The following ADAM10 variants were observed in gnomAD, a reference collection of about 807,000 sequenced individuals.
ADAM10 encodes ADAM metallopeptidase domain 10.
Under a neutral mutation model 90.1 loss-of-function variants are expected in ADAM10, and 17 were observed. The ratio of observed to expected loss-of-function variants is 0.19; its 90% CI spans 0.13 to 0.28. The LOEUF is 0.28. ADAM10 is among the 10% of genes least tolerant of loss of function. The pLI is 1.00. For missense variants in ADAM10, 610 were observed against 914.3 expected, an observed-to-expected ratio of 0.67 and a Z score of 4.29; for synonymous variants, 310 against 298.6, an observed-to-expected ratio of 1.04 and a Z score of -0.40.
chr15:58,722,458 C>T (rs1187933985), intron 1 of ADAM10, among the ~76,000 whole-genome samples: 1 of 151,616 alleles, frequency 6.6e-6, no homozygotes, highest in African/African-American at 2.4e-5. Flanking sequence ...ATCACTTAAT[C>T]CCAAGAGTTC....
At chr15:58,748,016 A>C (rs1482318153) in intron 1 of ADAM10, 1 of 152,158 alleles carries the variant, frequency 6.6e-6, no homozygotes, top group Non-Finnish European at 1.5e-5. Context: ...CAGAAATAAC[A>C]AATGTCAGAT....
intron 10 of ADAM10, among the ~76,000 whole-genome samples, chr15:58,625,747 A>C (rs1895919648): frequency 6.6e-6 from 1 of 152,230 alleles, no homozygotes; most frequent in African/African-American, 2.4e-5. Context: ...AAACACTGGA[A>C]ACAGCCCAGA....
rs1349529083 is a variant in ADAM10 at position 58,646,163 on chromosome 15, C to G, written c.627G>C (p.Leu209=). 6.2e-7 allele frequency: 1 copy of G among 1,613,494 alleles called. No individual in the cohort carries two copies. Residue 209 remains leucine, a synonymous_variant, in exon 6 of 16, where the codon CTG becomes CTC. Transcript: ENST00000260408. ...CAGCTGAAGTTGTACGTTTTTTCCT[C>G]AGAAGTTCTGGACCATTAGCAGCAT... ...EEHAANGPEL[L]RKKRTTSAEK...
intron 2 of ADAM10, among the ~76,000 whole-genome samples, chr15:58,694,028 T>C (rs1897903947): frequency 6.6e-6 from 1 of 152,178 alleles, no homozygotes; most frequent in Non-Finnish European, 1.5e-5. Flanking sequence ...TCACATACCC[T>C]TTGCTAGAAT....
chr15:58,680,962 T>G (rs1233540888), intron 3 of ADAM10, among the ~76,000 whole-genome samples: 1 of 152,056 alleles, frequency 6.6e-6, no homozygotes, highest in Non-Finnish European at 1.5e-5. Flanking sequence ...AAACTACAGG[T>G]GTGCCACCAC....
intron 2 of ADAM10, among the ~76,000 whole-genome samples, chr15:58,690,563 A>G (rs1043027246): frequency 6.6e-6 from 1 of 152,306 alleles, no homozygotes; most frequent in East Asian, 1.9e-4. Flanking sequence ...CTGCTGTCAA[A>G]GTAGAGAGGG....
intron 2 of ADAM10, among the ~76,000 whole-genome samples, chr15:58,713,047 A>G (rs989277524): frequency 2.6e-5 from 4 of 152,190 alleles, no homozygotes; most frequent in Non-Finnish European, 5.9e-5. Flanking sequence ...AGAGTATAAA[A>G]TATTTAAGAA....
At chr15:58,610,206 G>A in intron 14 of ADAM10, 91 bp downstream of exon 14, 1 of 1,015,994 alleles carries the variant, frequency 9.8e-7, no homozygotes, top group Admixed American at 1.8e-5. Flanking sequence ...AAATAGTTAA[G>A]TTGTTTTCTC....
chr15:58,720,154 T>C (rs1371527196), intron 1 of ADAM10, among the ~76,000 whole-genome samples: 4 of 152,180 alleles, frequency 2.6e-5, no homozygotes, highest in Non-Finnish European at 5.9e-5. Flanking sequence ...GAGACAACAA[T>C]GCCTACCTTA....
intron 1 of ADAM10, among the ~76,000 whole-genome samples, chr15:58,746,136 A>T (rs1899784585): frequency 6.6e-6 from 1 of 152,214 alleles, no homozygotes; most frequent in South Asian, 2.1e-4. Flanking sequence ...TGTCCAATTC[A>T]CCACTAAGTG....
intron 2 of ADAM10, among the ~76,000 whole-genome samples, chr15:58,710,904 G>T (rs1163743201): frequency 2.0e-5 from 3 of 152,140 alleles, no homozygotes; most frequent in African/African-American, 7.2e-5. Flanking sequence ...CCTGACTCAT[G>T]ATATAACAGA....
intron 5 of ADAM10, among the ~76,000 whole-genome samples, chr15:58,664,521 A>C (rs1382331615): frequency 6.6e-6 from 1 of 152,196 alleles, no homozygotes; most frequent in African/African-American, 2.4e-5. Context: ...CTCAAGAAAC[A>C]TAACTCTACC....
chr15:58,634,376 A>C (rs143632747), intron 8 of ADAM10, among the ~76,000 whole-genome samples: 131 of 152,304 alleles, frequency 8.6e-4, no homozygotes, highest in South Asian at 2.1e-3. Context: ...CTTCAAAAAA[A>C]AATTAAAAAC....
chr15:58,749,378 G>A, intron 1 of ADAM10, 102 bp downstream of exon 1: 13 of 1,255,444 alleles, frequency 1.0e-5, no homozygotes, highest in Non-Finnish European at 1.3e-5. Flanking sequence ...GGCCGGCTGG[G>A]CTGACTGACG....
At chr15:58,718,983 T>A (rs1220195359) in intron 1 of ADAM10, among the ~76,000 whole-genome samples, 1 of 152,218 alleles carries the variant, frequency 6.6e-6, no homozygotes, top group African/African-American at 2.4e-5. Context: ...CCAACCTTAC[T>A]GTTTCCCCTC....
chr15:58,630,502 G>T (rs550695072), intron 9 of ADAM10, among the ~76,000 whole-genome samples: 10 of 152,330 alleles, frequency 6.6e-5, no homozygotes, highest in African/African-American at 2.4e-4. Flanking sequence ...GTAAGCAGAA[G>T]TGGCATTATT....
chr15:58,690,987 G>A (rs1897766241), intron 2 of ADAM10: 3 of 479,894 alleles, frequency 6.3e-6, no homozygotes, highest in South Asian at 1.7e-5. Context: ...CTGCTGTAGT[G>A]TCTCCACAAT....
chr15:58,612,681 G>A (rs1399938753), intron 11 of ADAM10, among the ~76,000 whole-genome samples: 1 of 152,050 alleles, frequency 6.6e-6, no homozygotes, highest in Non-Finnish European at 1.5e-5. Flanking sequence ...ATTGGCTCAG[G>A]CTCCGAAATT....
chr15:58,639,035 C>T (rs1462213217), intron 8 of ADAM10, among the ~76,000 whole-genome samples: 3 of 152,288 alleles, frequency 2.0e-5, no homozygotes, highest in African/African-American at 7.2e-5. Flanking sequence ...AGAATCATTA[C>T]ATCCTTAAGT....
Sources: gnomAD v4.1 joint callset for allele counts (sites outside exome capture counted in the v4.1 genomes callset) on GRCh38, gnomAD v4.1.1 for gene constraint, MANE v1.5 for transcripts, NCBI Gene and HGNC (gene_info 2026-07-23, HGNC 2026-07-21) for gene names.